SLC22A25: variants seen among roughly 807,000 people sequenced by gnomAD.
The protein encoded by SLC22A25 is MGI:2442751, MGI:2385316, MGI:3042283, MGI:3645714, MGI:3605624, MGI:2442750.
Under a neutral mutation model 45.9 loss-of-function variants are expected in SLC22A25, and 44 were observed. That is an observed-to-expected ratio of 0.96 (90% CI 0.75 to 1.23). The LOEUF (loss-of-function observed/expected upper bound fraction) is 1.23, where lower values mean the gene tolerates loss of function less well. Ranked by LOEUF, SLC22A25 falls within the 50% of genes most tolerant of loss-of-function variation. The pLI is 0.00. For missense variants in SLC22A25, 800 were observed against 666.4 expected (o/e 1.20, Z -2.21); for synonymous variants, 283 against 238.6 (o/e 1.19, Z -1.72).
intron 4 of SLC22A25, 112 bp from the exon 5 acceptor site, chr11:63,228,676 T>G: frequency 1.4e-6 from 1 of 735,922 alleles, no homozygotes; most frequent in Non-Finnish European, 2.2e-6. Context: ...CTAGCTTCCC[T>G]TTTCTGCATT....
intron 11 of SLC22A25, 46 bp from the exon 12 acceptor site, chr11:63,164,119 C>T (rs899612073): frequency 3.3e-6 from 5 of 1,527,090 alleles, no homozygotes; most frequent in East Asian, 2.3e-5. Context: ...AAAAATCATA[C>T]ATATAATTTG....
chr11:63,231,948 T>C (rs891345870), intron 3 of SLC22A25, among the ~76,000 whole-genome samples: 33 of 152,292 alleles, frequency 2.2e-4, no homozygotes, highest in African/African-American at 7.9e-4. Context: ...GTTGTAGATA[T>C]GTGGCATTAT....
chr11:63,182,360 T>C (rs1202546716), intron 8 of SLC22A25, among the ~76,000 whole-genome samples: 2 of 152,040 alleles, frequency 1.3e-5, no homozygotes, highest in South Asian at 4.2e-4. Flanking sequence ...CCTGAACTTC[T>C]GTAAGAGTAG....
intron 8 of SLC22A25, among the ~76,000 whole-genome samples, chr11:63,182,679 C>T (rs938894429): frequency 6.6e-6 from 1 of 151,958 alleles, no homozygotes; most frequent in African/African-American, 2.4e-5. Context: ...CTTCCTGCCA[C>T]CTTCTGTTGA....
Position 63,183,722 on chromosome 11 carries a change from T to C in SLC22A25, c.926A>G (p.Lys309Arg). ...LRKAAHRNGM[K>R]NAEDILTMEV... Reference sequence around the variant, plus strand: ...CATGGTTAGGATGTCTTCAGCATTCTTCATTCCATTCCTGTGTGCAGCTTT... The same window carrying C: ...CATGGTTAGGATGTCTTCAGCATTCCTCATTCCATTCCTGTGTGCAGCTTT... Residue 309 changes from lysine (K) to arginine (R), a missense_variant, in exon 8 of 12, where the codon AAG becomes AGG. Transcript: ENST00000306494. 6.2e-7 allele frequency: 1 copy of C among 1,613,240 alleles called. No homozygotes were observed. Among genetic ancestry groups the C allele is most frequent in the Non-Finnish European group, 8.5e-7 (1 of 1,179,350 alleles).
rs893160522 is a variant in SLC22A25 at position 63,229,418 on chromosome 11, A to G, written c.235T>C (p.Phe79Leu). The change falls in exon 4 of 12, where the codon TTC becomes CTC. Residue 79 changes from phenylalanine to leucine, a missense_variant. Physicochemically the swap from Phe to Leu is conservative, Grantham distance 22. Transcript: ENST00000306494. ...QDALLRISIP[F>L]DSNLRPEKCR... The stretch of plus-strand genomic sequence containing the variant: ...TTCTCTGGCCTCAGATTTGAGTCGA[A>G]TGGGATGGAGATTCTCAGGAGGGCA... The G allele has an allele frequency of 5.0e-6, 8 of 1,614,010 alleles. No individual in the cohort carries two copies. Among genetic ancestry groups the G allele is most frequent in the Non-Finnish European group, 5.9e-6 (7 of 1,179,986 alleles).
chr11:63,213,683 G>A (rs1043555335), intron 7 of SLC22A25, among the ~76,000 whole-genome samples: 1 of 152,106 alleles, frequency 6.6e-6, no homozygotes, highest in Admixed American at 6.5e-5. Context: ...CTACCCTGCT[G>A]TCTGTGGAGA....
rs530382776 is a variant in SLC22A25, at chr11:63,222,986, A to G, written c.507-5251T>C. ...CCCTGGTTCAAAATCCCACTTGGTCATGATGAAAAATCTTTTTAATGTGTT... is the reference window on the plus strand; with the variant it reads ...CCCTGGTTCAAAATCCCACTTGGTCGTGATGAAAAATCTTTTTAATGTGTT... On this transcript the variant is annotated intron_variant, in intron 5 of 11. Transcript: ENST00000306494. 1.6e-4 allele frequency among the ~76,000 whole-genome samples: 24 copies of G among 152,118 alleles called. No individual in the cohort carries two copies. The East Asian group carries it at 4.6e-3, about 29-fold the overall frequency.
chr11:63,178,501 T>C (rs2088200816), intron 9 of SLC22A25, among the ~76,000 whole-genome samples: 3 of 151,674 alleles, frequency 2.0e-5, no homozygotes, highest in African/African-American at 7.3e-5. Flanking sequence ...TTTTTGATAA[T>C]ATTTTAACTG....
chr11:63,160,491 G>A lies in SLC22A25; in HGVS notation c.*3333C>T, dbSNP rs906506089. 2.0e-5 allele frequency among the ~76,000 whole-genome samples: 3 copies of A among 152,234 alleles called. No individual in the cohort carries two copies. Among genetic ancestry groups the A allele is most frequent in the African/African-American group, 7.2e-5 (3 of 41,466 alleles). On this transcript the variant is annotated 3_prime_UTR_variant, in exon 12 of 12. Coordinates refer to ENST00000306494, the MANE Select transcript of SLC22A25 (RefSeq NM_199352.6). The stretch of plus-strand genomic sequence containing the variant: ...TTTCAGAGGATGTATGGAAATGCCT[G>A]GATGCCCAGGTAGAAGTTTGCTGCA...
chr11:63,241,455 C>T (rs1408831473), intron 1 of SLC22A25, among the ~76,000 whole-genome samples: 1 of 152,136 alleles, frequency 6.6e-6, no homozygotes, highest in African/African-American at 2.4e-5. Context: ...ACAGGTGCAT[C>T]CCCATGCCTC....
intron 3 of SLC22A25, among the ~76,000 whole-genome samples, chr11:63,236,576 A>T (rs1195103014): frequency 1.3e-5 from 2 of 151,718 alleles, no homozygotes; most frequent in African/African-American, 4.8e-5. Flanking sequence ...GAATTCGCTG[A>T]CCCCTTGTGC....
At chr11:63,228,713 A>G (rs1027974167) in intron 4 of SLC22A25, 149 bp from the exon 5 acceptor site, 14 of 599,498 alleles carry the variant, frequency 2.3e-5, no homozygotes, top group Non-Finnish European at 4.0e-5. Flanking sequence ...TCAGGTCTCA[A>G]CTTAAGCACA....
chr11:63,175,702 T>C (rs553358810), intron 9 of SLC22A25, among the ~76,000 whole-genome samples: 2 of 152,164 alleles, frequency 1.3e-5, no homozygotes, highest in Admixed American at 1.3e-4. Context: ...TTTTCACCTA[T>C]GTTTTCTTCT....
chr11:63,185,067 G>T (rs534229550), intron 7 of SLC22A25, among the ~76,000 whole-genome samples: 1 of 152,116 alleles, frequency 6.6e-6, no homozygotes, highest in Non-Finnish European at 1.5e-5. Context: ...AGAGTAGAAC[G>T]TAACTGACCT....
At chr11:63,165,995 G>A (rs2087666093) in intron 10 of SLC22A25, 49 bp downstream of exon 10, 1 of 1,599,522 alleles carries the variant, frequency 6.3e-7, no homozygotes, top group South Asian at 1.1e-5. Flanking sequence ...CAATCCCTGA[G>A]AAAAGAGGGA....
chr11:63,194,889 G>GAAAAAAAAAAAAA (rs1565091135), intron 7 of SLC22A25, among the ~76,000 whole-genome samples: 2 of 14,288 alleles, frequency 1.4e-4, no homozygotes, highest in Non-Finnish European at 2.8e-4. Context: ...CAAATGGAAA[G>GAAAAAAAAAAAAA]CAAAAAAAAA....
chr11:63,172,584 G>A (rs1590786081), intron 9 of SLC22A25, among the ~76,000 whole-genome samples: 1 of 151,298 alleles, frequency 6.6e-6, no homozygotes, highest in Non-Finnish European at 1.5e-5. Flanking sequence ...AAACCACATC[G>A]AGATACCATC....
chr11:63,161,237 G>C lies in SLC22A25; in HGVS notation c.*2587C>G, dbSNP rs2087530692. ...CCTGTACCCCCATTGTATCTAGGAA[G>C]TAACCAATTTCTTTTGATTTTGCAA... On this transcript the variant is annotated 3_prime_UTR_variant, in exon 12 of 12. Transcript: ENST00000306494. Among the ~76,000 whole-genome samples the C allele has an allele frequency of 6.6e-6, 1 of 152,186 alleles. No individual in the cohort carries two copies. Among genetic ancestry groups the C allele is most frequent in the Non-Finnish European group, 1.5e-5 (1 of 68,036 alleles).
Sources: allele counts gnomAD v4.1 joint callset (sites outside exome capture counted in the v4.1 genomes callset), GRCh38; gene constraint gnomAD v4.1.1; transcripts MANE v1.5; gene names NCBI Gene and HGNC (gene_info 2026-07-23, HGNC 2026-07-21).